The following GOLGA8T variants were observed in gnomAD, a reference collection of about 807,000 sequenced individuals.
GOLGA8T encodes golgin subfamily A member 8T.
A neutral mutation model predicts 52.0 loss-of-function variants in GOLGA8T; 17 were observed. The ratio of observed to expected loss-of-function variants is 0.33; its 90% confidence interval spans 0.22 to 0.49. The LOEUF (loss-of-function observed/expected upper bound fraction) is 0.49, where lower values mean the gene tolerates loss of function less well. GOLGA8T is among the 20% of genes least tolerant of loss of function. The probability of loss-of-function intolerance (pLI) is 0.99; values close to 1 mark genes in which losing one functional copy is unlikely to be tolerated. For missense variants in GOLGA8T, 154 were observed against 462.1 expected, an observed-to-expected ratio of 0.33 and a Z score of 6.11; for synonymous variants, 67 against 169.5, an observed-to-expected ratio of 0.40 and a Z score of 4.70.
At position 30,145,820 on chromosome 15, in the gene GOLGA8T, GT is replaced by G. The variant is rs1424910889; in HGVS notation, c.*254del. 2.5e-5 allele frequency among the ~76,000 whole-genome samples: 2 copies of G among 81,504 alleles called. No individual in the cohort carries two copies. Among genetic ancestry groups the G allele is most frequent in the African/African-American group, 2.7e-4 (2 of 7,536 alleles). 53.5% of individuals were successfully genotyped at this position (81,504 alleles called of 152,430 possible). On this transcript the variant is annotated 3_prime_UTR_variant, in exon 19 of 19. Coordinates refer to ENST00000569052, the MANE Select transcript of GOLGA8T (RefSeq NM_001355469.2). Reference sequence around the variant, plus strand: ...AATTTCATAATTGTAGGTCATTAGCGTGCATATCGAGTTTGCCCTTACGTGG... The same window carrying G: ...AATTTCATAATTGTAGGTCATTAGCGGCATATCGAGTTTGCCCTTACGTGG...
intron 13 of GOLGA8T, 88 bp downstream of exon 13, chr15:30,142,470 C>G (rs2057758223): frequency 1.3e-6 from 2 of 1,562,064 alleles, no homozygotes; most frequent in African/African-American, 1.4e-5. Context: ...AGGCCAGAGG[C>G]AGCTTCCAGC....
Position 30,140,667 on chromosome 15 carries a change from T to A in GOLGA8T, c.592-175T>A, listed in dbSNP as rs571640559. ...TAGCCAGCTATAAATTCAATCTCAT[T>A]CCCTGTCCGTTCCAACTTTACTGAG... On this transcript the variant is annotated intron_variant, in intron 8 of 18. Transcript: ENST00000569052. 3.4e-3 allele frequency among the ~76,000 whole-genome samples: 500 copies of A among 145,720 alleles called. 22 individuals carry two copies. The highest frequency in any genetic ancestry group is 5.9e-3 in the Non-Finnish European group (399 of 67,518).
At chr15:30,142,419 G>A in intron 13 of GOLGA8T, 37 bp downstream of exon 13, 1 of 1,577,674 alleles carries the variant, frequency 6.3e-7, no homozygotes, top group Non-Finnish European at 8.5e-7. Context: ...ATCCAAGAAG[G>A]GCTGGGAGGC....
chr15:30,142,513 C>A, intron 13 of GOLGA8T, 131 bp downstream of exon 13: 2 of 1,503,744 alleles, frequency 1.3e-6, no homozygotes, highest in Non-Finnish European at 1.8e-6. Flanking sequence ...CCCCCCAGGG[C>A]AGTCCTGTTT....
intron 13 of GOLGA8T, 46 bp downstream of exon 13, chr15:30,142,428 G>A (rs1320049087): frequency 6.3e-7 from 1 of 1,580,438 alleles, no homozygotes; most frequent in Non-Finnish European, 8.5e-7. Context: ...GGGCTGGGAG[G>A]CGGGCAGCAG....
chr15:30,141,907 A>G lies in GOLGA8T; in HGVS notation c.980A>G (p.Lys327Arg). ...GCAGGAGAGCTCCAGGCCCAGGTCA[A>G]AAAGAATCAGCGCATAAGTCTCCTG... ...RVAGELQAQV[K>R]KNQRISLLNQ... Residue 327 changes from lysine (K) to arginine (R), a missense_variant, in exon 12 of 19, where the codon AAA becomes AGA. Lys to Arg is a conservative substitution (Grantham distance 26). Around this residue, in one of 6 missense-constraint regions of GOLGA8T, gnomAD observed 54 missense variants for 51.5 expected, o/e 1.05. Coordinates refer to ENST00000569052, the MANE Select transcript of GOLGA8T (RefSeq NM_001355469.2). 1 of 503,414 alleles carries G rather than the reference A, an allele frequency of 2.0e-6. No individual in the cohort carries two copies. The highest frequency in any genetic ancestry group is 3.2e-6 in the Non-Finnish European group (1 of 307,924). The allele number at this position is 503,414 out of a possible 1,614,324, so 31.2% of individuals were successfully genotyped here.
At chr15:30,137,379 G>GAA (rs1175305011) in intron 2 of GOLGA8T, among the ~76,000 whole-genome samples, 1 of 57,796 alleles carries the variant, frequency 1.7e-5, no homozygotes, top group Non-Finnish European at 3.4e-5. Flanking sequence ...CTGTCTCAAA[G>GAA]AAAAAAAAAA....
chr15:30,140,867 C>G lies in GOLGA8T; in HGVS notation c.617C>G (p.Thr206Arg), dbSNP rs540677482. Residue 206 changes from threonine to arginine, a missense_variant, in exon 9 of 19, where the codon ACG becomes AGG. By Grantham distance (71) the Thr-to-Arg change is moderately conservative. Coordinates refer to ENST00000569052, the MANE Select transcript of GOLGA8T (RefSeq NM_001355469.2). The stretch of plus-strand genomic sequence containing the variant: ...TTGTCCAGCCGCAGCAAAGCACGTA[C>G]GGAGTGGAAGTTAGAGCAGTCCATG... ...NQLSSRSKAR[T>R]EWKLEQSMRE... 6.4e-7 allele frequency: 1 copy of G among 1,562,868 alleles called. No individual in the cohort carries two copies. The highest frequency in any genetic ancestry group is 8.6e-7 in the Non-Finnish European group (1 of 1,161,386).
Position 30,145,534 on chromosome 15 carries a change from G to A in GOLGA8T, c.1863G>A (p.Leu621=), listed in dbSNP as rs201610194. ...GCAGCAACTGCTGTGTGCCATTCTT[G>A]TGCTGGGCTTGGCTGCCAAGAAGAA... ...GLGSNCCVPF[L]CWAWLPRRRR The change falls in exon 19 of 19, where the codon TTG becomes TTA. Residue 621 remains leucine, a synonymous_variant. Transcript: ENST00000569052. 2.0e-6 allele frequency: 3 copies of A among 1,519,680 alleles called. No homozygotes were observed. Among genetic ancestry groups the A allele is most frequent in the Admixed American group, 3.5e-5 (2 of 57,806 alleles). 94.1% of individuals were successfully genotyped at this position (1,519,680 alleles called of 1,614,324 possible). A position where few individuals can be genotyped will look rare whatever the true frequency, so the allele number is the denominator to read the frequency against.
At chr15:30,142,520 G>C in intron 13 of GOLGA8T, 138 bp downstream of exon 13, 1 of 1,487,600 alleles carries the variant, frequency 6.7e-7, no homozygotes, top group Admixed American at 2.0e-5. Flanking sequence ...GGGCAGTCCT[G>C]TTTCTTGCTT....
At chr15:30,136,432 A>G (rs1379578155) in intron 1 of GOLGA8T, among the ~76,000 whole-genome samples, 4 of 148,354 alleles carry the variant, frequency 2.7e-5, no homozygotes, top group African/African-American at 7.5e-5. Context: ...CTGATTTAAG[A>G]GAAAGGCTGC....
Position 30,141,620 on chromosome 15 carries a change from G to A in GOLGA8T, c.875-182G>A, listed in dbSNP as rs1169259872. Among the ~76,000 whole-genome samples, 23 of 127,330 alleles carry A rather than the reference G, an allele frequency of 1.8e-4. 3 individuals are homozygous for A. The highest frequency in any genetic ancestry group is 3.2e-4 in the Non-Finnish European group (21 of 65,248). 83.5% of individuals were successfully genotyped at this position (127,330 alleles called of 152,430 possible). On this transcript the variant is annotated intron_variant, in intron 11 of 18. Transcript: ENST00000569052. ...GTGTCCCCATCAGGAAAGAGGGCCC[G>A]TTGTCAGCCACCCGCAGTGCTCTTT...
intron 8 of GOLGA8T, among the ~76,000 whole-genome samples, chr15:30,140,574 G>A (rs2057728928): frequency 1.4e-5 from 2 of 138,264 alleles, no homozygotes; most frequent in Admixed American, 7.0e-5. Context: ...ATTCCACAAA[G>A]GTTCAAACAG....
chr15:30,140,915 T>G lies in GOLGA8T; in HGVS notation c.665T>G (p.Val222Gly). ...ATGCGGGAGGAGACACTACTGAAAG[T>G]GCAGCTGACACAGGTGAGGTTTTCT... ...QSMREETLLK[V>G]QLTQLKESFQ... Residue 222 changes from valine to glycine, a missense_variant, in exon 9 of 19, where the codon GTG (valine) becomes GGG (glycine). This residue lies in a region of GOLGA8T where 56 missense variants were observed against 134.2 expected (regional missense o/e 0.42). Transcript: ENST00000569052. 1 of 1,556,870 alleles carries G rather than the reference T, an allele frequency of 6.4e-7. No individual in the cohort carries two copies. Among genetic ancestry groups the G allele is most frequent in the Non-Finnish European group, 8.6e-7 (1 of 1,160,600 alleles).
At chr15:30,140,683 CT>C (rs1371411017) in intron 8 of GOLGA8T, among the ~76,000 whole-genome samples, 158 bp from the exon 9 acceptor site, 3 of 145,618 alleles carry the variant, frequency 2.1e-5, no homozygotes, top group African/African-American at 5.5e-5. Flanking sequence ...TCCGTTCCAA[CT>C]TTACTGAGTT....
In GOLGA8T at chr15:30,142,052, G is replaced by A. The variant is rs1228010285; in HGVS notation, c.1125G>A (p.Glu375=). 7.1e-6 allele frequency: 3 copies of A among 419,740 alleles called. No individual in the cohort carries two copies. Among genetic ancestry groups the A allele is most frequent in the African/African-American group, 8.7e-5 (1 of 11,554 alleles). 26.0% of individuals were successfully genotyped at this position (419,740 alleles called of 1,614,324 possible). Residue 375 remains glutamate (E), a synonymous_variant, in exon 12 of 19, where the codon GAG becomes GAA. Transcript: ENST00000569052. ...TGGCCAAGCCACAGAGCGTCTTCGA[G>A]GAGCCGGTGCGTTGCCCAAACTGGG... The part of the protein sequence containing the change: ...QQLAKPQSVF[E]EPNNENKNAL...
intron 16 of GOLGA8T, 30 bp downstream of exon 16, chr15:30,144,906 G>T (rs1300022289): frequency 1.9e-6 from 3 of 1,587,292 alleles, no homozygotes; most frequent in Non-Finnish European, 2.6e-6. Flanking sequence ...ACGGCAGGGG[G>T]AGCTACAGGG....
chr15:30,140,068 G>A, intron 8 of GOLGA8T: 1 of 581,744 alleles, frequency 1.7e-6, no homozygotes, highest in Non-Finnish European at 3.1e-6. Context: ...AGTCCTAGGT[G>A]GGGTATTGGG....
In GOLGA8T at chr15:30,148,467, A is replaced by G; in HGVS notation, c.*2900A>G. Among the ~76,000 whole-genome samples, 1 of 128,634 alleles carries G rather than the reference A, an allele frequency of 7.8e-6. No individual in the cohort carries two copies. The highest frequency in any genetic ancestry group is 1.6e-5 in the Non-Finnish European group (1 of 64,314). 84.4% of individuals were successfully genotyped at this position (128,634 alleles called of 152,430 possible). On this transcript the variant is annotated 3_prime_UTR_variant, in exon 19 of 19. Transcript: ENST00000569052. The stretch of plus-strand genomic sequence containing the variant: ...TCATTTTAAAATAATATAACTATTA[A>G]AAAATGTAACTGCTATCTTAATGTT...
Sources: gnomAD v4.1 joint callset for allele counts (sites outside exome capture counted in the v4.1 genomes callset) on GRCh38, gnomAD v4.1.1 for gene constraint, gnomAD v4.1.1 regional missense constraint, MANE v1.5 for transcripts, NCBI Gene and HGNC (gene_info 2026-07-23, HGNC 2026-07-21) for gene names.